The following LYNX1 variants were observed in gnomAD, a reference collection of about 807,000 sequenced individuals.
LYNX1 encodes Ly6/neurotoxin 1.
Under a neutral mutation model 8.3 loss-of-function variants are expected in LYNX1, and 8 were observed. The ratio of observed to expected loss-of-function variants is 0.97; its 90% CI spans 0.57 to 1.74. The LOEUF (loss-of-function observed/expected upper bound fraction) is 1.74. Among genes scored for constraint, LYNX1 ranks in the 40% most tolerant of loss-of-function variants. LYNX1 has a pLI of 0.00. For missense variants in LYNX1, 158 were observed against 159.7 expected (o/e 0.99, Z 0.06); for synonymous variants, 73 against 67.9 (o/e 1.08, Z -0.37).
chr8:142,774,906 G>A lies in LYNX1; in HGVS notation c.*261C>T. ...CTGACTGGGCCCCTCCCCATAAATA[G>A]CCCTGGACAGGCGAGGGGCTGATCA... is the stretch of plus-strand genomic sequence containing the variant. On this transcript the variant is annotated 3_prime_UTR_variant, in exon 4 of 4. Coordinates refer to ENST00000652477, the MANE Select transcript of LYNX1 (RefSeq NM_177477.4). 7.2e-7 allele frequency: 1 copy of A among 1,383,290 alleles called. No individual in the cohort carries two copies. Among genetic ancestry groups the A allele is most frequent in the Non-Finnish European group, 9.3e-7 (1 of 1,069,900 alleles). 85.7% of individuals were successfully genotyped at this position (1,383,290 alleles called of 1,614,324 possible).
chr8:142,775,275 G>A lies in LYNX1; in HGVS notation c.243C>T (p.Ser81=), dbSNP rs1244143934. 4 of 1,613,916 alleles carry A rather than the reference G, an allele frequency of 2.5e-6. No individual in the cohort carries two copies. The highest frequency in any genetic ancestry group is 2.5e-6 in the Non-Finnish European group (3 of 1,180,008). The stretch of plus-strand genomic sequence containing the variant: ...GGTCGTACTGGCAGCAGGAGGTGGT[G>A]GACGCGTGCTTGGAGTAGCCATCAT... The part of the protein sequence containing the change: ...TVYDGYSKHA[S]TTSCCQYDLC... The change falls in exon 4 of 4, where the codon TCC becomes TCT. Residue 81 remains serine (S), a synonymous_variant. Coordinates refer to ENST00000652477, the MANE Select transcript of LYNX1 (RefSeq NM_177477.4).
Position 142,774,734 on chromosome 8 carries a change from T to C in LYNX1, c.*433A>G, listed in dbSNP as rs587702438. On this transcript the variant is annotated 3_prime_UTR_variant, in exon 4 of 4. Transcript: ENST00000652477. ...CTAGGCCTGGAGGAGCCTTTCCTCC[T>C]AAGAGTCTCCCCACCACCCCACCTG... is the stretch of plus-strand genomic sequence containing the variant. 1.9e-5 allele frequency: 19 copies of C among 1,026,156 alleles called. No individual in the cohort carries two copies. The East Asian group carries it at 1.5e-3, about 82-fold the overall frequency. The allele number at this position is 1,026,156 out of a possible 1,614,324, so 63.6% of individuals were successfully genotyped here.
rs759041728 is a variant in LYNX1, at chr8:142,775,180, C to A, written c.338G>T (p.Trp113Leu). ...GCCTCGGGGGCTTTAGAGGAGACCC[C>A]AGAGGGTGGCCAGGAGGATGGGGGC... Reference protein sequence around the residue: ...ALAPILLATLWGLL With the variant: ...ALAPILLATLLGLL The change falls in exon 4 of 4, where the codon TGG becomes TTG. Residue 113 changes from tryptophan (W) to leucine (L), a missense_variant. Physicochemically the swap from Trp to Leu is moderately conservative, Grantham distance 61. Transcript: ENST00000652477. The A allele has an allele frequency of 7.4e-6, 12 of 1,611,532 alleles. No homozygotes were observed. Among genetic ancestry groups the A allele is most frequent in the Admixed American group, 1.7e-5 (1 of 59,698 alleles).
At position 142,775,600 on chromosome 8, in the gene LYNX1, C is replaced by T. The variant is rs750949647; in HGVS notation, c.147G>A (p.Thr49=). 4.6e-5 allele frequency: 73 copies of T among 1,591,750 alleles called. No individual in the cohort carries two copies. In the Middle Eastern group the frequency reaches 5.0e-4, roughly 11 times the overall value. ...CPAMVAYCMT[T]RTYYTPTRMK... is the part of the protein sequence containing the mutation. ...CAGGGCCCCCAGACTCACAGGTGCG[C>T]GTGGTCATGCAGTAGGCAACCATAG... The change falls in exon 3 of 4, where the codon ACG becomes ACA. Residue 49 remains threonine, a synonymous_variant. Transcript: ENST00000652477.
Position 142,773,931 on chromosome 8 carries a change from G to C in LYNX1, c.*1236C>G, listed in dbSNP as rs1815287332. Reference sequence around the variant, plus strand: ...GCCCCCGAATGCCCCATTCACAGCAGGGGCAGGTGCTCCCTGGGCTACCTG... The same window carrying C: ...GCCCCCGAATGCCCCATTCACAGCACGGGCAGGTGCTCCCTGGGCTACCTG... On this transcript the variant is annotated 3_prime_UTR_variant, in exon 4 of 4. Coordinates refer to ENST00000652477, the MANE Select transcript of LYNX1 (RefSeq NM_177477.4). 6 of 985,306 alleles carry C rather than the reference G, an allele frequency of 6.1e-6. No homozygotes were observed. The highest frequency in any genetic ancestry group is 1.7e-5 in the African/African-American group (1 of 57,228). The allele number at this position is 985,306 out of a possible 1,614,324, so 61.0% of individuals were successfully genotyped here.
At position 142,773,179 on chromosome 8, in the gene LYNX1, G is replaced by A. The variant is rs879466127; in HGVS notation, c.*1988C>T. 6.4e-4 allele frequency: 629 copies of A among 985,534 alleles called. No homozygotes were observed. The highest frequency in any genetic ancestry group is 2.1e-3 in the Middle Eastern group (4 of 1,938). The allele number at this position is 985,534 out of a possible 1,614,324, so 61.0% of individuals were successfully genotyped here. ...AGGAGCCCAAAGCCGCCTCCCTCCC[G>A]GTAAGCATCCCAAGGCATCGCTGGC... On this transcript the variant is annotated 3_prime_UTR_variant, in exon 4 of 4. Coordinates refer to ENST00000652477, the MANE Select transcript of LYNX1 (RefSeq NM_177477.4).
upstream of LYNX1, chr8:142,777,654 G>A (rs1000164389): frequency 1.8e-5 from 7 of 395,934 alleles, no homozygotes; most frequent in African/African-American, 6.2e-5. Context: ...TCCCCGGACC[G>A]CCGGCTCGCC....
In LYNX1 at chr8:142,771,510, C is replaced by G. The variant is rs937873606; in HGVS notation, c.*3657G>C. 2.0e-6 allele frequency: 2 copies of G among 985,288 alleles called. No homozygotes were observed. Among genetic ancestry groups the G allele is most frequent in the Admixed American group, 1.2e-4 (2 of 16,266 alleles). 61.0% of individuals were successfully genotyped at this position (985,288 alleles called of 1,614,324 possible). ...TGTGTCTCTCGGGCTGCCCAGGTGG[C>G]TCTGTCCACCCTTCTGTCTGGGAGG... On this transcript the variant is annotated 3_prime_UTR_variant, in exon 4 of 4. Transcript: ENST00000652477.
chr8:142,774,714 C>T lies in LYNX1; in HGVS notation c.*453G>A. The T allele has an allele frequency of 9.9e-7, 1 of 1,008,424 alleles. No homozygotes were observed. Among genetic ancestry groups the T allele is most frequent in the Admixed American group, 5.3e-5 (1 of 18,754 alleles). The allele number at this position is 1,008,424 out of a possible 1,614,324, so 62.5% of individuals were successfully genotyped here. On this transcript the variant is annotated 3_prime_UTR_variant, in exon 4 of 4. Coordinates refer to ENST00000652477, the MANE Select transcript of LYNX1 (RefSeq NM_177477.4). ...GGCCTCAGTAGGAAGCGTGACTAGG[C>T]CTGGAGGAGCCTTTCCTCCTAAGAG...
In LYNX1 at chr8:142,775,054, C is replaced by A; in HGVS notation, c.*113G>T. 1 of 1,480,510 alleles carries A rather than the reference C, an allele frequency of 6.8e-7. No individual in the cohort carries two copies. The highest frequency in any genetic ancestry group is 8.9e-7 in the Non-Finnish European group (1 of 1,117,484). 91.7% of individuals were successfully genotyped at this position (1,480,510 alleles called of 1,614,324 possible). On this transcript the variant is annotated 3_prime_UTR_variant, in exon 4 of 4. Coordinates refer to ENST00000652477, the MANE Select transcript of LYNX1 (RefSeq NM_177477.4). ...TCTTGCCCACAGTCCTGACCCTGGG[C>A]ATGGCTGAGGAGGTCGCAGGGAGTG...
rs144651551 is a variant in LYNX1 at position 142,775,278 on chromosome 8, C to T, written c.240G>A (p.Ala80=). 267 of 1,613,826 alleles carry T rather than the reference C, an allele frequency of 1.7e-4. No homozygotes were observed. Among genetic ancestry groups the T allele is most frequent in the Non-Finnish European group, 2.2e-4 (259 of 1,179,984 alleles). ...CGTACTGGCAGCAGGAGGTGGTGGA[C>T]GCGTGCTTGGAGTAGCCATCATACA... ...ETVYDGYSKH[A]STTSCCQYDL... Residue 80 remains alanine, a synonymous_variant, in exon 4 of 4, where the codon GCG becomes GCA. Transcript: ENST00000652477.
chr8:142,774,613 G>A lies in LYNX1; in HGVS notation c.*554C>T. Reference sequence around the variant, plus strand: ...GGGTGGCTCCAACTCGGGCCTGGCAGACTTCCTAGCACAGGGGCCGGTGCC... The same window carrying A: ...GGGTGGCTCCAACTCGGGCCTGGCAAACTTCCTAGCACAGGGGCCGGTGCC... On this transcript the variant is annotated 3_prime_UTR_variant, in exon 4 of 4. Coordinates refer to ENST00000652477, the MANE Select transcript of LYNX1 (RefSeq NM_177477.4). 1 of 986,122 alleles carries A rather than the reference G, an allele frequency of 1.0e-6. No homozygotes were observed. 61.1% of individuals were successfully genotyped at this position (986,122 alleles called of 1,614,324 possible). A position where few individuals can be genotyped will look rare whatever the true frequency, so the allele number is the denominator to read the frequency against.
At position 142,772,317 on chromosome 8, in the gene LYNX1, CCT is replaced by C; in HGVS notation, c.*2848_*2849del. The C allele has an allele frequency of 1.0e-6, 1 of 985,766 alleles. No homozygotes were observed. The highest frequency in any genetic ancestry group is 1.2e-6 in the Non-Finnish European group (1 of 830,010). 61.1% of individuals were successfully genotyped at this position (985,766 alleles called of 1,614,324 possible). A position where few individuals can be genotyped will look rare whatever the true frequency, so the allele number is the denominator to read the frequency against. ...CCCCATGGTGCCCAGTGCCTCTCCC[CCT>C]CTCCTCTGCCACTCTGCCCTGCACC... On this transcript the variant is annotated 3_prime_UTR_variant, in exon 4 of 4. Transcript: ENST00000652477.
chr8:142,774,174 G>GC lies in LYNX1; in HGVS notation c.*992dup. 3.3e-6 allele frequency: 1 copy of GC among 301,702 alleles called. No individual in the cohort carries two copies. The highest frequency in any genetic ancestry group is 1.7e-3 in the Middle Eastern group (1 of 600). The allele number at this position is 301,702 out of a possible 1,614,324, so 18.7% of individuals were successfully genotyped here. On this transcript the variant is annotated 3_prime_UTR_variant, in exon 4 of 4. Coordinates refer to ENST00000652477, the MANE Select transcript of LYNX1 (RefSeq NM_177477.4). ...TCCCCACCCCACCCTCCCCACTCCC[G>GC]CCCCCGCACGGCCACGAGAGGGTGG...
Position 142,774,010 on chromosome 8 carries a change from G to A in LYNX1, c.*1157C>T. 5 of 985,480 alleles carry A rather than the reference G, an allele frequency of 5.1e-6. No individual in the cohort carries two copies. The highest frequency in any genetic ancestry group is 6.0e-6 in the Non-Finnish European group (5 of 829,988). The allele number at this position is 985,480 out of a possible 1,614,324, so 61.0% of individuals were successfully genotyped here. ...CTGACCCCTGCTTCCCAGGCCTGGG[G>A]TGGGGTCCCTGGGAGTCCACACACC... On this transcript the variant is annotated 3_prime_UTR_variant, in exon 4 of 4. Transcript: ENST00000652477.
chr8:142,773,666 G>A lies in LYNX1; in HGVS notation c.*1501C>T. On this transcript the variant is annotated 3_prime_UTR_variant, in exon 4 of 4. Transcript: ENST00000652477. ...TCACTGCAAGGAGACCCCTGGGGTG[G>A]AGACCCTCATTCCCTGATCCCCCAG... The A allele has an allele frequency of 1.0e-6, 1 of 985,398 alleles. No homozygotes were observed. Among genetic ancestry groups the A allele is most frequent in the East Asian group, 1.1e-4 (1 of 8,802 alleles). The allele number at this position is 985,398 out of a possible 1,614,324, so 61.0% of individuals were successfully genotyped here. A position where few individuals can be genotyped will look rare whatever the true frequency, so the allele number is the denominator to read the frequency against.
upstream of LYNX1, chr8:142,777,765 A>C (rs2585126): frequency 0.85 from 337,500 of 397,830 alleles, 144,594 homozygotes; most frequent in Non-Finnish European, 0.88. Context: ...TCACGTGTTC[A>C]GCCCGGACAC....
chr8:142,773,630 T>C lies in LYNX1; in HGVS notation c.*1537A>G. The C allele has an allele frequency of 1.0e-6, 1 of 985,436 alleles. No individual in the cohort carries two copies. The highest frequency in any genetic ancestry group is 1.2e-6 in the Non-Finnish European group (1 of 829,986). The allele number at this position is 985,436 out of a possible 1,614,324, so 61.0% of individuals were successfully genotyped here. A position where few individuals can be genotyped will look rare whatever the true frequency, so the allele number is the denominator to read the frequency against. ...CAGCCCCAGGAGCAGAACGCAGGCC[T>C]GCATATAGACTCACTGCAAGGAGAC... On this transcript the variant is annotated 3_prime_UTR_variant, in exon 4 of 4. Coordinates refer to ENST00000652477, the MANE Select transcript of LYNX1 (RefSeq NM_177477.4).
chr8:142,771,208 T>G lies in LYNX1; in HGVS notation c.*3959A>C. 1.0e-6 allele frequency: 1 copy of G among 985,374 alleles called. No individual in the cohort carries two copies. Among genetic ancestry groups the G allele is most frequent in the Non-Finnish European group, 1.2e-6 (1 of 829,966 alleles). The allele number at this position is 985,374 out of a possible 1,614,324, so 61.0% of individuals were successfully genotyped here. On this transcript the variant is annotated 3_prime_UTR_variant, in exon 4 of 4. Coordinates refer to ENST00000652477, the MANE Select transcript of LYNX1 (RefSeq NM_177477.4). Reference sequence around the variant, plus strand: ...TGGAGAGAAGCGCAGACAATGCGAATCTGTTGATTTATTTACGGCTCGGTG... The same window carrying G: ...TGGAGAGAAGCGCAGACAATGCGAAGCTGTTGATTTATTTACGGCTCGGTG...
Sources: gnomAD v4.1 joint callset for allele counts on GRCh38, gnomAD v4.1.1 for gene constraint, MANE v1.5 for transcripts, NCBI Gene and HGNC (gene_info 2026-07-23, HGNC 2026-07-21) for gene names.